Variants in RANBP2 observed in about 807,000 individuals in gnomAD.
The protein encoded by RANBP2 is RAN binding protein 2.
A neutral mutation model predicts 303.6 loss-of-function variants in RANBP2; 57 were observed. That is an observed-to-expected ratio of 0.19 (90% confidence interval 0.15 to 0.23). The LOEUF (loss-of-function observed/expected upper bound fraction) is 0.23. Ranked by LOEUF, RANBP2 falls within the 10% of genes least tolerant of loss-of-function variation. The pLI, the probability that RANBP2 is intolerant of heterozygous loss-of-function variation, is 1.00. For synonymous variants in RANBP2, 1,167 were observed against 1,301.5 expected (o/e 0.90, Z 2.23); for missense variants, 3,138 against 3,780.8 (o/e 0.83, Z 4.46).
At chr2:109,507,368 C>T in the RANBP2 span, among the ~76,000 whole-genome samples, 6 of 152,224 alleles carry the variant, frequency 3.9e-5, no homozygotes, top group Admixed American at 3.9e-4. Context: ...TCATGTCACC[C>T]TTCCAGGGGG....
chr2:109,394,476 T>C, the RANBP2 span, among the ~76,000 whole-genome samples: 1 of 152,198 alleles, frequency 6.6e-6, no homozygotes, highest in Non-Finnish European at 1.5e-5. Context: ...GGGCAGGCTC[T>C]GGGAAGGGCA....
chr2:108,786,622 T>C (rs1212129860), downstream of RANBP2: 4 of 605,046 alleles, frequency 6.6e-6, no homozygotes, highest in Middle Eastern at 4.5e-4. Context: ...TTACGAGGTG[T>C]GTAGTGCTAG....
chr2:109,290,018 G>A, the RANBP2 span, among the ~76,000 whole-genome samples: 6 of 152,202 alleles, frequency 3.9e-5, no homozygotes, highest in African/African-American at 1.2e-4. Context: ...TTAAAATGCA[G>A]ATTCCGATTC....
At chr2:109,160,541 T>C in the RANBP2 span, among the ~76,000 whole-genome samples, 1 of 152,200 alleles carries the variant, frequency 6.6e-6, no homozygotes, top group East Asian at 1.9e-4. Context: ...GAGTTGTGCC[T>C]CTCTGGCTTA....
the RANBP2 span, among the ~76,000 whole-genome samples, chr2:108,836,233 C>T: frequency 6.6e-6 from 1 of 152,176 alleles, no homozygotes; most frequent in South Asian, 2.1e-4. Context: ...CATTAGATTT[C>T]TCATATGGAT....
chr2:109,205,871 C>T, the RANBP2 span, among the ~76,000 whole-genome samples: 41 of 152,274 alleles, frequency 2.7e-4, 1 homozygote, highest in South Asian at 7.7e-3. Context: ...CTTTCCGCTT[C>T]CTGTTTTTTC....
chr2:109,585,300 G>A, the RANBP2 span: 7 of 1,602,344 alleles, frequency 4.4e-6, no homozygotes, highest in Non-Finnish European at 6.0e-6. Flanking sequence ...AATCAGTGTT[G>A]ATTTTCCAAT....
the RANBP2 span, among the ~76,000 whole-genome samples, chr2:108,909,678 C>T: frequency 1.3e-5 from 2 of 152,358 alleles, no homozygotes; most frequent in East Asian, 3.9e-4. Flanking sequence ...TTTTTGGAAG[C>T]TACGCAGGAC....
At chr2:108,796,904 G>C in the RANBP2 span, among the ~76,000 whole-genome samples, 1 of 152,176 alleles carries the variant, frequency 6.6e-6, no homozygotes, top group African/African-American at 2.4e-5. Flanking sequence ...GTATTTACTA[G>C]TACAATAGGG....
chr2:109,123,317 TCTTTCCTTCC>T, the RANBP2 span, among the ~76,000 whole-genome samples: 2 of 134,094 alleles, frequency 1.5e-5, no homozygotes, highest in African/African-American at 5.2e-5. Context: ...GGCTTTTCTT[TCTTTCCTTCC>T]TTCCTTCCTT....
At chr2:108,929,097 C>A in the RANBP2 span, 3 of 1,374,536 alleles carry the variant, frequency 2.2e-6, no homozygotes, top group Non-Finnish European at 3.1e-6. Flanking sequence ...GCACCGAGGC[C>A]TGCAGTATCC....
At chr2:108,786,834 G>A (rs1306953415), downstream of RANBP2, 1 of 1,592,114 alleles carries the variant, frequency 6.3e-7, no homozygotes, top group Non-Finnish European at 8.5e-7. Context: ...TGGAGCCGAG[G>A]GTCGTCAAGC....
the RANBP2 span, among the ~76,000 whole-genome samples, chr2:109,402,802 C>G: frequency 6.6e-6 from 1 of 152,172 alleles, no homozygotes; most frequent in Non-Finnish European, 1.5e-5. Flanking sequence ...TTGTGTGTCC[C>G]AGTGCATTTA....
At chr2:108,821,802 G>A in the RANBP2 span, among the ~76,000 whole-genome samples, 16 of 151,800 alleles carry the variant, frequency 1.1e-4, no homozygotes, top group African/African-American at 2.9e-4. Context: ...AAAATTAGCC[G>A]GGCGTAGTGG....
chr2:109,517,609 C>A, the RANBP2 span, among the ~76,000 whole-genome samples: 12 of 152,232 alleles, frequency 7.9e-5, no homozygotes, highest in African/African-American at 2.7e-4. Flanking sequence ...CCCTTCACAG[C>A]TCAGCAGGGG....
the RANBP2 span, among the ~76,000 whole-genome samples, chr2:109,684,245 C>CTTTTTTTTTTTTTTT: frequency 2.1e-4 from 18 of 87,150 alleles, 3 homozygotes; most frequent in Admixed American, 5.0e-4. Context: ...CCCGGTCTTA[C>CTTTTTTTTTTTTTTT]TTTTTTTTTT....
the RANBP2 span, among the ~76,000 whole-genome samples, chr2:109,093,656 A>G: frequency 2.0e-5 from 3 of 152,210 alleles, no homozygotes; most frequent in Non-Finnish European, 4.4e-5. Flanking sequence ...TCTATGGTTA[A>G]AATCAGTTTA....
chr2:108,729,225 T>C (rs769783915), intron 2 of RANBP2, 26 bp downstream of exon 2: 28 of 1,557,512 alleles, frequency 1.8e-5, no homozygotes, highest in East Asian at 9.1e-5. Flanking sequence ...AACATGTATT[T>C]TTTTTTTAAA....
At chr2:109,186,067 C>T in the RANBP2 span, among the ~76,000 whole-genome samples, 1 of 152,206 alleles carries the variant, frequency 6.6e-6, no homozygotes, top group Non-Finnish European at 1.5e-5. Flanking sequence ...AGTGTCTTGA[C>T]TTGTGTTGTA....
Sources: gnomAD v4.1 joint callset for allele counts (sites outside exome capture counted in the v4.1 genomes callset) on GRCh38, gnomAD v4.1.1 for gene constraint, MANE v1.5 for transcripts, NCBI Gene and HGNC (gene_info 2026-07-23, HGNC 2026-07-21) for gene names.